RALGAPA2: variants seen among roughly 807,000 people sequenced by gnomAD.
RALGAPA2 encodes Ral GTPase activating protein catalytic subunit alpha 2.
A neutral mutation model predicts 230.4 loss-of-function variants in RALGAPA2; 139 were observed. The ratio of observed to expected loss-of-function variants is 0.60; its 90% CI spans 0.53 to 0.69. RALGAPA2 has a LOEUF of 0.69. RALGAPA2 is among the 30% of genes least tolerant of loss of function. The pLI, the probability that RALGAPA2 is intolerant of heterozygous loss-of-function variation, is 0.00. For missense variants in RALGAPA2, 2,163 were observed against 2,276.0 expected (o/e 0.95, Z 1.01); for synonymous variants, 847 against 837.8 (o/e 1.01, Z -0.19).
chr20:20,431,945 G>A (rs573329887), intron 37 of RALGAPA2, among the ~76,000 whole-genome samples: 2 of 152,316 alleles, frequency 1.3e-5, no homozygotes, highest in Non-Finnish European at 2.9e-5. Flanking sequence ...TATCTTCAAT[G>A]AGAAACATCC....
chr20:20,516,061 C>T (rs1235971302), intron 31 of RALGAPA2, among the ~76,000 whole-genome samples: 1 of 152,158 alleles, frequency 6.6e-6, no homozygotes, highest in Non-Finnish European at 1.5e-5. Flanking sequence ...AGGCTTACTG[C>T]TGCCTGCTAC....
At chr20:20,418,701 C>T (rs2060214869) in intron 37 of RALGAPA2, among the ~76,000 whole-genome samples, 1 of 151,918 alleles carries the variant, frequency 6.6e-6, no homozygotes, top group South Asian at 2.1e-4. Flanking sequence ...AAGCCAGTCA[C>T]CGAAGGACAC....
At chr20:20,495,019 G>A (rs2062163627) in intron 36 of RALGAPA2, 98 bp downstream of exon 36, 13 of 1,111,038 alleles carry the variant, frequency 1.2e-5, no homozygotes, top group Middle Eastern at 6.4e-4. Flanking sequence ...AACTGGATGA[G>A]AGTCCCCTTT....
intron 37 of RALGAPA2, among the ~76,000 whole-genome samples, chr20:20,446,545 G>A (rs1032856550): frequency 6.6e-6 from 1 of 152,218 alleles, no homozygotes; most frequent in African/African-American, 2.4e-5. Context: ...AGAAGCAAAA[G>A]AAATGACAGT....
intron 37 of RALGAPA2, among the ~76,000 whole-genome samples, chr20:20,462,494 G>A (rs1017106536): frequency 2.0e-5 from 3 of 152,102 alleles, no homozygotes; most frequent in Admixed American, 1.3e-4. Flanking sequence ...GGCCCCAATG[G>A]TCTCTATCTA....
Position 20,392,843 on chromosome 20 carries a change from G to GA in RALGAPA2, c.*445dup. On this transcript the variant is annotated 3_prime_UTR_variant, in exon 40 of 40. Coordinates refer to ENST00000202677, the MANE Select transcript of RALGAPA2 (RefSeq NM_020343.4). ...TCATGCTTGGGTTCATAAATGAGAAGAAACAACTTGGGGTGCAGAAGCAAG... is the reference window on the plus strand; with the variant it reads ...TCATGCTTGGGTTCATAAATGAGAAGAAAACAACTTGGGGTGCAGAAGCAAG... 4.1e-6 allele frequency: 1 copy of GA among 243,744 alleles called. No homozygotes were observed. The highest frequency in any genetic ancestry group is 4.4e-5 in the South Asian group (1 of 22,590). The allele number at this position is 243,744 out of a possible 1,614,324, so 15.1% of individuals were successfully genotyped here.
chr20:20,634,850 G>C (rs979217898), intron 9 of RALGAPA2, among the ~76,000 whole-genome samples: 2 of 152,208 alleles, frequency 1.3e-5, no homozygotes, highest in African/African-American at 4.8e-5. Flanking sequence ...AAGGCCAAGA[G>C]AGAAAAAGCA....
At chr20:20,438,765 C>T (rs180718298) in intron 37 of RALGAPA2, among the ~76,000 whole-genome samples, 5 of 152,284 alleles carry the variant, frequency 3.3e-5, no homozygotes, top group Non-Finnish European at 5.9e-5. Context: ...GACTAAAAGA[C>T]GGACTAATTA....
At chr20:20,406,261 A>G (rs1409028721) in intron 38 of RALGAPA2, among the ~76,000 whole-genome samples, 1 of 152,140 alleles carries the variant, frequency 6.6e-6, no homozygotes, top group African/African-American at 2.4e-5. Context: ...GTATCTTTAC[A>G]GCTTCACAGG....
intron 23 of RALGAPA2, among the ~76,000 whole-genome samples, chr20:20,558,164 C>T (rs988727224): frequency 6.6e-5 from 10 of 152,126 alleles, no homozygotes; most frequent in African/African-American, 2.4e-4. Flanking sequence ...GCCACTACGC[C>T]CGGCTAATTT....
intron 35 of RALGAPA2, among the ~76,000 whole-genome samples, chr20:20,498,539 C>T (rs771972018): frequency 5.3e-5 from 8 of 152,176 alleles, no homozygotes; most frequent in Non-Finnish European, 1.2e-4. Context: ...CAGCTGGCTC[C>T]AGAAGGAGTC....
In RALGAPA2 at chr20:20,512,695, C is replaced by T. The variant is rs777644982; in HGVS notation, c.4674G>A (p.Lys1558=). The T allele has an allele frequency of 6.2e-7, 1 of 1,613,970 alleles. No individual in the cohort carries two copies. The highest frequency in any genetic ancestry group is 1.6e-4 in the Middle Eastern group (1 of 6,062). ...TPCGMNYDQE[K]EIIEVILRQN... ...GGCGCAAAATGACCTCAATGATTTC[C>T]TTCTCTTGGTCATAGTTCATGCCAC... The change falls in exon 32 of 40, where the codon AAG becomes AAA. Residue 1558 remains lysine (K), a synonymous_variant. Coordinates refer to ENST00000202677, the MANE Select transcript of RALGAPA2 (RefSeq NM_020343.4).
intron 38 of RALGAPA2, among the ~76,000 whole-genome samples, chr20:20,411,243 G>A (rs1234295120): frequency 6.6e-6 from 1 of 152,066 alleles, no homozygotes; most frequent in African/African-American, 2.4e-5. Flanking sequence ...TTTATTCTCT[G>A]AAAGGCAATT....
chr20:20,414,494 C>T (rs1007067437), intron 37 of RALGAPA2, among the ~76,000 whole-genome samples: 2 of 152,152 alleles, frequency 1.3e-5, no homozygotes, highest in African/African-American at 2.4e-5. Context: ...TACAAAGGGA[C>T]GTTTTGCATA....
At chr20:20,487,062 T>C (rs534538603) in intron 36 of RALGAPA2, among the ~76,000 whole-genome samples, 1 of 152,148 alleles carries the variant, frequency 6.6e-6, no homozygotes, top group Non-Finnish European at 1.5e-5. Context: ...TCTGCCATAT[T>C]TGAGTCCGGT....
intron 38 of RALGAPA2, among the ~76,000 whole-genome samples, chr20:20,410,933 T>C (rs998353910): frequency 6.6e-6 from 1 of 152,184 alleles, no homozygotes; most frequent in Non-Finnish European, 1.5e-5. Flanking sequence ...CGCAAGTGCG[T>C]GCCTCTCCCT....
At chr20:20,425,012 A>G (rs181054764) in intron 37 of RALGAPA2, among the ~76,000 whole-genome samples, 1 of 152,366 alleles carries the variant, frequency 6.6e-6, no homozygotes, top group Non-Finnish European at 1.5e-5. Context: ...TGAATTATCC[A>G]ATGTTTACTC....
intron 4 of RALGAPA2, among the ~76,000 whole-genome samples, chr20:20,652,820 T>A (rs781321116): frequency 1.3e-5 from 2 of 152,168 alleles, no homozygotes; most frequent in Non-Finnish European, 2.9e-5. Flanking sequence ...TTTGCTTTAT[T>A]TCAAGTTTCC....
At chr20:20,433,820 C>T (rs1317027569) in intron 37 of RALGAPA2, among the ~76,000 whole-genome samples, 1 of 152,168 alleles carries the variant, frequency 6.6e-6, no homozygotes, top group East Asian at 1.9e-4. Flanking sequence ...ACACAACAGA[C>T]AAGTGCTAAA....
Sources: allele counts gnomAD v4.1 joint callset (sites outside exome capture counted in the v4.1 genomes callset), GRCh38; gene constraint gnomAD v4.1.1; transcripts MANE v1.5; gene names NCBI Gene and HGNC (gene_info 2026-07-23, HGNC 2026-07-21).